ASIC5: variants seen among roughly 807,000 people sequenced by gnomAD.
ASIC5 encodes acid sensing ion channel subunit family member 5, also known as bile acid-sensitive ion channel.
A neutral mutation model predicts 51.2 loss-of-function variants in ASIC5; 52 were observed. The observed-to-expected ratio is 1.02, with a 90% confidence interval of 0.81 to 1.28. The LOEUF (loss-of-function observed/expected upper bound fraction) is 1.28, where lower values mean the gene tolerates loss of function less well. ASIC5 is among the 50% of genes most tolerant of loss of function. The pLI, the probability that ASIC5 is intolerant of heterozygous loss-of-function variation, is 0.00. For synonymous variants in ASIC5, 231 were observed against 200.7 expected (o/e 1.15, Z -1.28); for missense variants, 635 against 595.0 (o/e 1.07, Z -0.70).
chr4:155,836,979 T>C, intron 7 of ASIC5, 122 bp from the exon 8 acceptor site: 1 of 661,434 alleles, frequency 1.5e-6, no homozygotes, highest in Non-Finnish European at 2.4e-6. Flanking sequence ...CAACAACAAA[T>C]GGTGTTTACT....
chr4:155,853,738 A>G (rs2111257422), intron 3 of ASIC5, among the ~76,000 whole-genome samples: 1 of 151,774 alleles, frequency 6.6e-6, no homozygotes, highest in East Asian at 1.9e-4. Context: ...TTTGGTGATT[A>G]TAAAAATACT....
chr4:155,840,301 T>C (rs1423434538), intron 6 of ASIC5, among the ~76,000 whole-genome samples: 4 of 151,790 alleles, frequency 2.6e-5, no homozygotes, highest in Non-Finnish European at 5.9e-5. Flanking sequence ...AACAGCAGTT[T>C]TTGCAGTGGC....
chr4:155,857,177 G>T (rs1741564249), intron 2 of ASIC5, among the ~76,000 whole-genome samples: 1 of 152,026 alleles, frequency 6.6e-6, no homozygotes, highest in South Asian at 2.1e-4. Context: ...AGGTTGGAGT[G>T]CAGAGGCACA....
At chr4:155,851,465 T>C (rs1315071622) in intron 4 of ASIC5, among the ~76,000 whole-genome samples, 1 of 152,070 alleles carries the variant, frequency 6.6e-6, no homozygotes, top group Non-Finnish European at 1.5e-5. Context: ...TGATTTTGGA[T>C]ACTTAATCCA....
Position 155,829,786 on chromosome 4 carries a change from G to A in ASIC5, c.*70C>T, listed in dbSNP as rs116533495. ...ACTCTCAAAACTATAGAAAAGTGAC[G>A]TAACAATGAATTAGTCAAGATAAAT... On this transcript the variant is annotated 3_prime_UTR_variant, in exon 10 of 10. Coordinates refer to ENST00000537611, the MANE Select transcript of ASIC5 (RefSeq NM_017419.3). 20,285 of 965,692 alleles carry A rather than the reference G, an allele frequency of 0.021. 338 individuals are homozygous for A. The highest frequency in any genetic ancestry group is 0.048 in the South Asian group (2,196 of 45,952). 59.8% of individuals were successfully genotyped at this position (965,692 alleles called of 1,614,324 possible). A position where few individuals can be genotyped will look rare whatever the true frequency, so the allele number is the denominator to read the frequency against.
chr4:155,865,904 C>T (rs1222577851), intron 1 of ASIC5, among the ~76,000 whole-genome samples: 1 of 152,048 alleles, frequency 6.6e-6, no homozygotes, highest in Non-Finnish European at 1.5e-5. Flanking sequence ...ATAAAACCTG[C>T]AGGCCCAGGA....
intron 1 of ASIC5, 128 bp from the exon 2 acceptor site, chr4:155,863,882 T>G: frequency 1.3e-6 from 1 of 752,882 alleles, no homozygotes; most frequent in South Asian, 2.0e-5. Context: ...TCATAGAAAC[T>G]AAAAATTCAT....
At chr4:155,846,598 G>A (rs1370172498) in intron 4 of ASIC5, among the ~76,000 whole-genome samples, 1 of 152,018 alleles carries the variant, frequency 6.6e-6, no homozygotes, top group Non-Finnish European at 1.5e-5. Flanking sequence ...GAAGCAAGAT[G>A]GAGTCAATTA....
chr4:155,854,450 A>T (rs1360361906), intron 2 of ASIC5, 136 bp from the exon 3 acceptor site: 13 of 661,278 alleles, frequency 2.0e-5, no homozygotes, highest in Non-Finnish European at 2.6e-5. Context: ...ATTTAAGCAA[A>T]ATTTGATGCC....
At chr4:155,832,726 G>C (rs1184120239) in intron 8 of ASIC5, among the ~76,000 whole-genome samples, 2 of 151,954 alleles carry the variant, frequency 1.3e-5, no homozygotes, top group East Asian at 3.9e-4. Context: ...TCCATAGCCA[G>C]TCCATCAGGA....
chr4:155,835,751 C>G (rs567357765), intron 8 of ASIC5, among the ~76,000 whole-genome samples: 2 of 152,172 alleles, frequency 1.3e-5, no homozygotes, highest in Non-Finnish European at 2.9e-5. Context: ...TTTGAAATCA[C>G]TCCATTAGCC....
At chr4:155,836,647 T>A in intron 8 of ASIC5, 42 bp downstream of exon 8, 2 of 1,285,142 alleles carry the variant, frequency 1.6e-6, no homozygotes, top group Non-Finnish European at 2.1e-6. Flanking sequence ...GAAAAAAAAA[T>A]CTATGTTAAT....
intron 4 of ASIC5, among the ~76,000 whole-genome samples, chr4:155,850,887 T>C (rs1051033165): frequency 6.6e-6 from 1 of 152,026 alleles, no homozygotes; most frequent in African/African-American, 2.4e-5. Flanking sequence ...GTGGCTGTCA[T>C]TAGTTGTAAT....
intron 2 of ASIC5, among the ~76,000 whole-genome samples, chr4:155,856,940 G>T (rs115279888): frequency 0.029 from 4,385 of 151,864 alleles, 98 homozygotes; most frequent in South Asian, 0.059. Context: ...AAATAGGAGG[G>T]CATCTTAAAA....
chr4:155,854,128 G>T lies in ASIC5; in HGVS notation c.534C>A (p.Asn178Lys), dbSNP rs1278490816. The change falls in exon 3 of 10, where the codon AAC becomes AAA. Residue 178 changes from asparagine (N) to lysine (K), a missense_variant. By Grantham distance (94) the Asn-to-Lys change is moderately conservative. Coordinates refer to ENST00000537611, the MANE Select transcript of ASIC5 (RefSeq NM_017419.3). ...EFIRNKGFYL[N>K]NSTLLDCEFF... The stretch of plus-strand genomic sequence containing the variant: ...ACTCACAGTCCAACAAAGTGCTATT[G>T]TTGAGATAAAAACCTTTGTTCCTGA... 8.1e-6 allele frequency: 13 copies of T among 1,613,360 alleles called. No homozygotes were observed. Among genetic ancestry groups the T allele is most frequent in the Non-Finnish European group, 1.1e-5 (13 of 1,179,602 alleles).
intron 2 of ASIC5, among the ~76,000 whole-genome samples, chr4:155,858,133 A>C (rs1741593858): frequency 6.6e-6 from 1 of 152,096 alleles, no homozygotes; most frequent in African/African-American, 2.4e-5. Context: ...TTTTGTTATA[A>C]AGATATTTTA....
At chr4:155,864,143 G>T (rs1456193628) in intron 1 of ASIC5, among the ~76,000 whole-genome samples, 1 of 152,132 alleles carries the variant, frequency 6.6e-6, no homozygotes, top group Admixed American at 6.6e-5. Flanking sequence ...AACAAAATGA[G>T]GCTGATTCCT....
chr4:155,864,641 T>C (rs1303224112), intron 1 of ASIC5: 1 of 152,162 alleles, frequency 6.6e-6, no homozygotes, highest in African/African-American at 2.4e-5. Flanking sequence ...TTTAGCCAAG[T>C]TTCTTAGTCT....
chr4:155,855,040 G>GA (rs1403978126), intron 2 of ASIC5, among the ~76,000 whole-genome samples: 1 of 151,992 alleles, frequency 6.6e-6, no homozygotes, highest in East Asian at 1.9e-4. Context: ...AAGAACAGGC[G>GA]AAAGACTTAC....
Sources: gnomAD v4.1 joint callset for allele counts (sites outside exome capture counted in the v4.1 genomes callset) on GRCh38, gnomAD v4.1.1 for gene constraint, MANE v1.5 for transcripts, NCBI Gene and HGNC (gene_info 2026-07-23, HGNC 2026-07-21) for gene names.